CC2D2A: variants seen among roughly 807,000 people sequenced by gnomAD.
The protein encoded by CC2D2A is coiled-coil and C2 domain containing 2A.
Under a neutral mutation model 212.9 loss-of-function variants are expected in CC2D2A, and 155 were observed. That is an observed-to-expected ratio of 0.73 (90% confidence interval 0.64 to 0.83). CC2D2A has a LOEUF of 0.83. Among genes scored for constraint, CC2D2A ranks in the 40% least tolerant of loss-of-function variants. CC2D2A has a pLI of 0.00. For missense variants in CC2D2A, 1,856 were observed against 1,956.2 expected (o/e 0.95, Z 0.97); for synonymous variants, 667 against 686.5 (o/e 0.97, Z 0.44).
chr4:15,478,867 C>A, intron 3 of CC2D2A, 61 bp downstream of exon 3: 1 of 1,330,318 alleles, frequency 7.5e-7, no homozygotes, highest in Non-Finnish European at 1.1e-6. Flanking sequence ...CGCCTGCATC[C>A]CCAGGGCCAT....
intron 6 of CC2D2A, among the ~76,000 whole-genome samples, chr4:15,507,875 G>A (rs1343559098): frequency 6.6e-6 from 1 of 152,146 alleles, no homozygotes; most frequent in Non-Finnish European, 1.5e-5. Flanking sequence ...TGCGATATGG[G>A]TACAGTTAAT....
Position 15,502,522 on chromosome 4 carries a change from G to A in CC2D2A, c.336+5G>A. The A allele has an allele frequency of 1.3e-6, 2 of 1,593,584 alleles. No homozygotes were observed. Among genetic ancestry groups the A allele is most frequent in the Non-Finnish European group, 1.7e-6 (2 of 1,174,020 alleles). ...GAGAAATTGCAAGCAGCGAGGGTGAGAGAAACCACATGAATATTCTGTTCA... is the reference window on the plus strand; with the variant it reads ...GAGAAATTGCAAGCAGCGAGGGTGAAAGAAACCACATGAATATTCTGTTCA... On this transcript the variant is annotated splice_donor_5th_base_variant and intron_variant, in intron 5 of 36. Coordinates refer to ENST00000424120, the MANE Select transcript of CC2D2A (RefSeq NM_001378615.1).
chr4:15,550,029 AAC>A (rs1718915190), intron 17 of CC2D2A, among the ~76,000 whole-genome samples: 2 of 152,232 alleles, frequency 1.3e-5, no homozygotes, highest in African/African-American at 2.4e-5. Flanking sequence ...GAAAGAATAA[AAC>A]ACAGGAAAGA....
At chr4:15,488,964 A>G (rs138892678) in intron 4 of CC2D2A, among the ~76,000 whole-genome samples, 2,946 of 152,314 alleles carry the variant, frequency 0.019, 54 homozygotes, top group Middle Eastern at 0.037. Context: ...TCCAAATAAA[A>G]TAAACATCTA....
rs863225178 is a variant in CC2D2A, at chr4:15,557,349, G to C, written c.2671G>C (p.Glu891Gln). ...CTATGTCCCTGATTTCTTTAGACTG[G>C]AGCAGCTGCAACAGGAGTTTAACTT... ...ESYVPDFFRL[E>Q]QLQQEFNFVS... Residue 891 changes from glutamate (E) to glutamine (Q), a missense_variant, in exon 21 of 37, where the codon GAG becomes CAG. Coordinates refer to ENST00000424120, the MANE Select transcript of CC2D2A (RefSeq NM_001378615.1). 4 of 1,613,410 alleles carry C rather than the reference G, an allele frequency of 2.5e-6. No individual in the cohort carries two copies. The highest frequency in any genetic ancestry group is 2.7e-5 in the African/African-American group (2 of 74,868).
At chr4:15,532,412 C>T (rs188763968) in intron 13 of CC2D2A, among the ~76,000 whole-genome samples, 1 of 152,300 alleles carries the variant, frequency 6.6e-6, no homozygotes, top group African/African-American at 2.4e-5. Flanking sequence ...TGAAATGCTA[C>T]ATCCTTGGTT....
chr4:15,490,783 G>A (rs774560727), intron 4 of CC2D2A, among the ~76,000 whole-genome samples: 4 of 152,040 alleles, frequency 2.6e-5, no homozygotes, highest in African/African-American at 7.2e-5. Context: ...ACAGCCTGGC[G>A]CCACACCCTG....
chr4:15,491,339 T>A (rs1197310529), intron 4 of CC2D2A, among the ~76,000 whole-genome samples: 1 of 152,186 alleles, frequency 6.6e-6, no homozygotes, highest in Non-Finnish European at 1.5e-5. Flanking sequence ...CCCTCATGAT[T>A]AATGATTTAT....
intron 4 of CC2D2A, among the ~76,000 whole-genome samples, chr4:15,498,709 T>C (rs1715754686): frequency 6.6e-6 from 1 of 152,232 alleles, no homozygotes; most frequent in South Asian, 2.1e-4. Context: ...CCATTAGCTA[T>C]GATGTCAAAG....
chr4:15,485,313 TC>T (rs2108979974), intron 4 of CC2D2A, among the ~76,000 whole-genome samples: 1 of 152,350 alleles, frequency 6.6e-6, no homozygotes, highest in South Asian at 2.1e-4. Context: ...AAAATTTCAT[TC>T]TTTTTTATGG....
intron 11 of CC2D2A, among the ~76,000 whole-genome samples, chr4:15,524,321 C>T (rs1408912003): frequency 6.6e-5 from 10 of 151,942 alleles, no homozygotes; most frequent in Admixed American, 1.3e-4. Context: ...TTAGTAGAGA[C>T]GGGATTTCAC....
chr4:15,532,763 T>G (rs969626947), intron 13 of CC2D2A, among the ~76,000 whole-genome samples: 1 of 152,242 alleles, frequency 6.6e-6, no homozygotes, highest in African/African-American at 2.4e-5. Context: ...CTCCAAGGCA[T>G]GCAATAACAA....
Position 15,516,680 on chromosome 4 carries a change from A to G in CC2D2A, c.1073A>G (p.Lys358Arg). The G allele has an allele frequency of 1.2e-6, 2 of 1,613,556 alleles. No individual in the cohort carries two copies. Among genetic ancestry groups the G allele is most frequent in the Non-Finnish European group, 1.7e-6 (2 of 1,179,664 alleles). The stretch of plus-strand genomic sequence containing the variant: ...ATCCTAGCTCTGCCAAACCCCATCA[A>G]GCCATTTCCTTCAAGGCCGCCAGTA... ...GRILALPNPI[K>R]PFPSRPPVLT... The change falls in exon 11 of 37, where the codon AAG becomes AGG. Residue 358 changes from lysine to arginine, a missense_variant. Transcript: ENST00000424120.
At chr4:15,484,925 G>T (rs1374974423) in intron 4 of CC2D2A, among the ~76,000 whole-genome samples, 3 of 152,088 alleles carry the variant, frequency 2.0e-5, no homozygotes, top group Non-Finnish European at 4.4e-5. Context: ...TCCCACCTCT[G>T]CCCTCTTTCC....
chr4:15,582,684 G>A (rs534056326), intron 30 of CC2D2A, among the ~76,000 whole-genome samples: 7 of 152,218 alleles, frequency 4.6e-5, no homozygotes, highest in Non-Finnish European at 7.4e-5. Flanking sequence ...CAAGTAATGA[G>A]ATTGAAGCTG....
intron 17 of CC2D2A, among the ~76,000 whole-genome samples, chr4:15,550,141 G>T (rs1310553978): frequency 1.3e-5 from 2 of 152,180 alleles, no homozygotes; most frequent in Non-Finnish European, 2.9e-5. Flanking sequence ...ACTGAGGCTG[G>T]ATTGTGTATT....
Position 15,557,318 on chromosome 4 carries a change from T to C in CC2D2A, c.2640T>C (p.Gly880=), listed in dbSNP as rs774548115. ...LMQLISVATS[G]ESYVPDFFRL... ...GTTTTTTATAGGTTGCTACCAGTGG[T>C]GAATCCTATGTCCCTGATTTCTTTA... The change falls in exon 21 of 37, where the codon GGT becomes GGC. Residue 880 remains glycine (G), a synonymous_variant. Coordinates refer to ENST00000424120, the MANE Select transcript of CC2D2A (RefSeq NM_001378615.1). 18 of 1,611,588 alleles carry C rather than the reference T, an allele frequency of 1.1e-5. No individual in the cohort carries two copies. Among genetic ancestry groups the C allele is most frequent in the Non-Finnish European group, 1.4e-5 (17 of 1,178,688 alleles).
At chr4:15,495,687 T>C (rs1164278092) in intron 4 of CC2D2A, among the ~76,000 whole-genome samples, 1 of 152,222 alleles carries the variant, frequency 6.6e-6, no homozygotes, top group Non-Finnish European at 1.5e-5. Context: ...AGTGCTGTGA[T>C]GGGCATGTGA....
intron 8 of CC2D2A, among the ~76,000 whole-genome samples, chr4:15,512,550 G>A (rs1240946142): frequency 1.3e-5 from 2 of 152,202 alleles, no homozygotes; most frequent in Non-Finnish European, 2.9e-5. Context: ...AGAGGTTAGA[G>A]GAAGGAGGGA....
Sources: allele counts gnomAD v4.1 joint callset (sites outside exome capture counted in the v4.1 genomes callset), GRCh38; gene constraint gnomAD v4.1.1; transcripts MANE v1.5; gene names NCBI Gene and HGNC (gene_info 2026-07-23, HGNC 2026-07-21).